SPAG16: variants seen among roughly 807,000 people sequenced by gnomAD.
The protein encoded by SPAG16 is sperm-associated antigen 16 protein.
A neutral mutation model predicts 80.4 loss-of-function variants in SPAG16; 86 were observed. The observed-to-expected ratio is 1.07, with a 90% CI of 0.90 to 1.28. The LOEUF is 1.28. Ranked by LOEUF, SPAG16 falls within the 50% of genes most tolerant of loss-of-function variation. The pLI is 0.00. For synonymous variants in SPAG16, 294 were observed against 265.9 expected, an observed-to-expected ratio of 1.11 and a Z score of -1.03; for missense variants, 870 against 765.3, an observed-to-expected ratio of 1.14 and a Z score of -1.61.
rs371961540 is a variant in SPAG16, at chr2:213,910,655, A to C, written c.1215-19305A>C. On this transcript the variant is annotated intron_variant, in intron 11 of 15. Transcript: ENST00000331683. Reference sequence around the variant, plus strand: ...AGGCGCCCGCTACCACGCCCGGCTAATTTTTTGTAGTTTTAGTAGAGACAG... The same window carrying C: ...AGGCGCCCGCTACCACGCCCGGCTACTTTTTTGTAGTTTTAGTAGAGACAG... 1.6e-3 allele frequency among the ~76,000 whole-genome samples: 128 copies of C among 81,462 alleles called. 41 individuals carry two copies. The East Asian group carries it at 0.039, about 25-fold the overall frequency. The allele number at this position is 81,462 out of a possible 152,430, so 53.4% of individuals were successfully genotyped here.
chr2:214,398,034 T>A (rs1207181582), intron 15 of SPAG16, among the ~76,000 whole-genome samples: 1 of 152,020 alleles, frequency 6.6e-6, no homozygotes, highest in Non-Finnish European at 1.5e-5. Flanking sequence ...TAAGGGAAAA[T>A]TTTTACCCCT....
chr2:214,172,012 T>G (rs2056885767), intron 15 of SPAG16, among the ~76,000 whole-genome samples: 1 of 151,886 alleles, frequency 6.6e-6, no homozygotes, highest in South Asian at 2.1e-4. Context: ...ATCTACTTAT[T>G]TAACAAAAAT....
chr2:213,354,477 G>T lies in SPAG16; in HGVS notation c.762+3832G>T, dbSNP rs527351175. 3.2e-3 allele frequency among the ~76,000 whole-genome samples: 484 copies of T among 152,236 alleles called. 2 individuals carry two copies. Among genetic ancestry groups the T allele is most frequent in the African/African-American group, 0.011 (459 of 41,526 alleles). ...GAATCACCACACTGTCTTCCACAGT[G>T]GTTGAACTAATTTACACTCCCACCA... On this transcript the variant is annotated intron_variant, in intron 7 of 15. Transcript: ENST00000331683.
chr2:213,437,840 G>A (rs1311816812), intron 9 of SPAG16, among the ~76,000 whole-genome samples: 2 of 152,198 alleles, frequency 1.3e-5, no homozygotes, highest in Non-Finnish European at 2.9e-5. Flanking sequence ...AGTATAGGTA[G>A]TTTTCATTAG....
intron 9 of SPAG16, among the ~76,000 whole-genome samples, chr2:213,385,686 G>A (rs776824182): frequency 1.1e-4 from 16 of 152,166 alleles, no homozygotes; most frequent in Non-Finnish European, 1.5e-4. Context: ...AGGTGTGCTC[G>A]TCTCTAAAAG....
intron 13 of SPAG16, among the ~76,000 whole-genome samples, chr2:214,030,215 G>A (rs2048341597): frequency 6.6e-6 from 1 of 152,014 alleles, no homozygotes; most frequent in African/African-American, 2.4e-5. Context: ...CATCTAAGTG[G>A]AATCACACAG....
chr2:213,637,823 C>G (rs1382146820), intron 10 of SPAG16, among the ~76,000 whole-genome samples: 1 of 152,144 alleles, frequency 6.6e-6, no homozygotes, highest in Non-Finnish European at 1.5e-5. Flanking sequence ...AGTGGCTAAT[C>G]TCGGCTCACG....
intron 14 of SPAG16, among the ~76,000 whole-genome samples, chr2:214,142,066 A>G (rs2055390750): frequency 6.6e-6 from 1 of 151,688 alleles, no homozygotes; most frequent in South Asian, 2.1e-4. Context: ...TTAATGGTTT[A>G]CATGCTTTTA....
chr2:213,406,679 C>T (rs1039093348), intron 9 of SPAG16, among the ~76,000 whole-genome samples: 10 of 152,206 alleles, frequency 6.6e-5, no homozygotes, highest in Admixed American at 1.3e-4. Context: ...TCTGTATGGG[C>T]GCACCCTTCT....
intron 15 of SPAG16, among the ~76,000 whole-genome samples, chr2:214,197,600 G>T (rs1349845795): frequency 6.6e-6 from 1 of 151,840 alleles, no homozygotes; most frequent in Non-Finnish European, 1.5e-5. Flanking sequence ...CATTGTCATT[G>T]CAAATAAAAT....
rs765393845 is a variant in SPAG16 at position 213,962,126 on chromosome 2, C to T, written c.1400+31981C>T. 2.0e-5 allele frequency among the ~76,000 whole-genome samples: 3 copies of T among 151,762 alleles called. No individual in the cohort carries two copies. In the East Asian group the frequency reaches 5.8e-4, roughly 29 times the overall value. ...CAAGTAATTCTATTTGGAGATAAGG[C>T]ATTTAAAGCGGTAATTATGGTTAAA... On this transcript the variant is annotated intron_variant, in intron 12 of 15. Transcript: ENST00000331683.
chr2:213,904,336 C>A (rs2077346150), intron 11 of SPAG16, among the ~76,000 whole-genome samples: 1 of 151,996 alleles, frequency 6.6e-6, no homozygotes, highest in Non-Finnish European at 1.5e-5. Flanking sequence ...AGAATCATGG[C>A]AAGAGGAGAG....
At chr2:214,346,787 C>A (rs1301913966) in intron 15 of SPAG16, among the ~76,000 whole-genome samples, 2 of 152,152 alleles carry the variant, frequency 1.3e-5, no homozygotes, top group Non-Finnish European at 2.9e-5. Context: ...CCCAACAAAG[C>A]ATCAGACATG....
At chr2:213,920,698 A>C (rs1417414186) in intron 11 of SPAG16, among the ~76,000 whole-genome samples, 2 of 152,200 alleles carry the variant, frequency 1.3e-5, no homozygotes, top group Non-Finnish European at 2.9e-5. Flanking sequence ...TGCTCAAGTC[A>C]GACTAGCCCC....
At chr2:214,327,186 A>T (rs1002392301) in intron 15 of SPAG16, among the ~76,000 whole-genome samples, 5 of 152,212 alleles carry the variant, frequency 3.3e-5, no homozygotes, top group Non-Finnish European at 7.3e-5. Context: ...ATTATAATCA[A>T]ACTGGACCAT....
intron 14 of SPAG16, among the ~76,000 whole-genome samples, chr2:214,116,956 T>C (rs867226947): frequency 6.6e-6 from 1 of 152,174 alleles, no homozygotes; most frequent in African/African-American, 2.4e-5. Flanking sequence ...CATTGTCACA[T>C]GTCCACTATT....
chr2:214,262,186 A>T (rs1167164747), intron 15 of SPAG16, among the ~76,000 whole-genome samples: 1 of 152,090 alleles, frequency 6.6e-6, no homozygotes, highest in Non-Finnish European at 1.5e-5. Context: ...TCAGTGTATT[A>T]TATAAGAAAA....
At chr2:213,345,860 G>A (rs1002890722) in intron 6 of SPAG16, among the ~76,000 whole-genome samples, 1 of 152,174 alleles carries the variant, frequency 6.6e-6, no homozygotes, top group East Asian at 1.9e-4. Context: ...ACTTAGCAAT[G>A]CAGGCTCTTT....
intron 10 of SPAG16, among the ~76,000 whole-genome samples, chr2:213,677,678 G>A (rs2064156962): frequency 1.3e-5 from 2 of 152,104 alleles, no homozygotes; most frequent in South Asian, 2.1e-4. Flanking sequence ...GGGAGCCTTT[G>A]ACACCCCACT....
Sources: allele counts gnomAD v4.1 joint callset (sites outside exome capture counted in the v4.1 genomes callset), GRCh38; gene constraint gnomAD v4.1.1; transcripts MANE v1.5; gene names NCBI Gene and HGNC (gene_info 2026-07-23, HGNC 2026-07-21).